C3orf52: variants seen among roughly 807,000 people sequenced by gnomAD.
The protein encoded by C3orf52 is chromosome 3 open reading frame 52.
A neutral mutation model predicts 24.8 loss-of-function variants in C3orf52; 22 were observed. The observed-to-expected ratio is 0.89, with a 90% CI of 0.63 to 1.27. The LOEUF is 1.27. Ranked by LOEUF, C3orf52 falls within the 50% of genes most tolerant of loss-of-function variation. The pLI is 0.00. For synonymous variants in C3orf52, 93 were observed against 100.2 expected (o/e 0.93, Z 0.43); for missense variants, 265 against 260.7 (o/e 1.02, Z -0.11).
intron 1 of C3orf52, among the ~76,000 whole-genome samples, chr3:112,090,252 A>G (rs62280197): frequency 0.02 from 2,591 of 130,354 alleles, 37 homozygotes; most frequent in Middle Eastern, 0.073. Context: ...TGTACAGTCT[A>G]TTGTTTGGCT....
downstream of C3orf52, among the ~76,000 whole-genome samples, chr3:112,135,713 A>G (rs936298309): frequency 9.2e-5 from 14 of 152,330 alleles, no homozygotes; most frequent in Admixed American, 5.9e-4. Flanking sequence ...CCTCCTTATT[A>G]TATACCTAAT....
At chr3:112,110,064 T>C (rs540315889) in intron 4 of C3orf52, among the ~76,000 whole-genome samples, 37 of 152,328 alleles carry the variant, frequency 2.4e-4, no homozygotes, top group Admixed American at 6.5e-4. Context: ...GCGTGGTAGC[T>C]CACGCCTGTA....
chr3:112,098,952 A>G (rs340154), intron 2 of C3orf52, among the ~76,000 whole-genome samples: 145,508 of 152,222 alleles, frequency 0.96, 69,821 homozygotes, highest in Non-Finnish European at 1. Context: ...ATGTTGAATG[A>G]TAAGAGGGGC....
rs1341241870 is a variant in C3orf52, at chr3:112,117,279, T to G, written c.*633T>G. 3.9e-5 allele frequency: 15 copies of G among 381,462 alleles called. No individual in the cohort carries two copies. Among genetic ancestry groups the G allele is most frequent in the East Asian group, 1.2e-4 (3 of 24,666 alleles). 23.6% of individuals were successfully genotyped at this position (381,462 alleles called of 1,614,324 possible). A position where few individuals can be genotyped will look rare whatever the true frequency, so the allele number is the denominator to read the frequency against. ...AGAAGACCTCAGCAGTGTGGTTCTG[T>G]GTCTACTTCCATGACCTGTACCTGA... On this transcript the variant is annotated 3_prime_UTR_variant, in exon 6 of 6. Coordinates refer to ENST00000264848, the MANE Select transcript of C3orf52 (RefSeq NM_024616.3).
downstream of C3orf52, chr3:112,133,216 G>C: frequency 7.3e-7 from 1 of 1,364,070 alleles, no homozygotes; most frequent in Admixed American, 1.7e-5. Flanking sequence ...AGAAAGGGCT[G>C]TGTGGCTCTG....
chr3:112,109,517 G>A lies in C3orf52; in HGVS notation c.397-26G>A, dbSNP rs148943408. The A allele has an allele frequency of 4.7e-4, 675 of 1,450,426 alleles. 3 individuals are homozygous for A. The African/African-American group carries it at 9.1e-3, about 19-fold the overall frequency. The allele number at this position is 1,450,426 out of a possible 1,614,324, so 89.8% of individuals were successfully genotyped here. A position where few individuals can be genotyped will look rare whatever the true frequency, so the allele number is the denominator to read the frequency against. Reference sequence around the variant, plus strand: ...AATATGATCTGTCGGTAATGTGTGTGGTTTAATTTGCTTCTGTTTGTTTAG... The same window carrying A: ...AATATGATCTGTCGGTAATGTGTGTAGTTTAATTTGCTTCTGTTTGTTTAG... On this transcript the variant is annotated intron_variant, in intron 3 of 5. Coordinates refer to ENST00000264848, the MANE Select transcript of C3orf52 (RefSeq NM_024616.3).
downstream of C3orf52, chr3:112,134,873 A>G (rs2074534699): frequency 6.5e-6 from 1 of 154,936 alleles, no homozygotes; most frequent in South Asian, 2.0e-4. Context: ...ACACTAAGTG[A>G]AAGAGACCAG....
At chr3:112,092,549 A>G (rs1016759358) in intron 1 of C3orf52, among the ~76,000 whole-genome samples, 1 of 152,332 alleles carries the variant, frequency 6.6e-6, no homozygotes, top group East Asian at 1.9e-4. Flanking sequence ...GTGGAGACAC[A>G]CAGCAGGGAT....
intron 4 of C3orf52, among the ~76,000 whole-genome samples, chr3:112,126,457 G>C (rs1411605863): frequency 6.6e-6 from 1 of 152,082 alleles, no homozygotes; most frequent in Non-Finnish European, 1.5e-5. Context: ...TATCACCAGA[G>C]ACTACTGCAC....
At chr3:112,129,378 A>G (rs1416080566), downstream of C3orf52, 4 of 152,188 alleles carry the variant, frequency 2.6e-5, no homozygotes, top group African/African-American at 9.7e-5. Flanking sequence ...ATGGGCAAAA[A>G]CGATCTGTAA....
chr3:112,124,244 C>T (rs1392844546), intron 4 of C3orf52, among the ~76,000 whole-genome samples: 1 of 152,180 alleles, frequency 6.6e-6, no homozygotes, highest in Non-Finnish European at 1.5e-5. Flanking sequence ...TTTATAGCAA[C>T]ACAAGTGGAC....
chr3:112,109,001 A>T (rs1192130816), intron 3 of C3orf52, among the ~76,000 whole-genome samples: 1 of 152,188 alleles, frequency 6.6e-6, no homozygotes, highest in Non-Finnish European at 1.5e-5. Flanking sequence ...ATTATTTTTT[A>T]TGATGCTTGC....
intron 4 of C3orf52, chr3:112,123,914 A>G: frequency 3.7e-6 from 3 of 816,716 alleles, no homozygotes; most frequent in Non-Finnish European, 5.7e-6. Flanking sequence ...TTTTTTCTAA[A>G]TGGCTGCTTC....
chr3:112,091,506 C>G (rs1488834561), intron 1 of C3orf52, among the ~76,000 whole-genome samples: 1 of 152,136 alleles, frequency 6.6e-6, no homozygotes, highest in Non-Finnish European at 1.5e-5. Flanking sequence ...AGGCCTCAGA[C>G]CAGAGGTCTG....
chr3:112,135,867 G>C (rs1438964905), downstream of C3orf52, among the ~76,000 whole-genome samples: 1 of 152,108 alleles, frequency 6.6e-6, no homozygotes, highest in Non-Finnish European at 1.5e-5. Flanking sequence ...TTGCAGCTCT[G>C]AGAGACAATA....
intron 1 of C3orf52, among the ~76,000 whole-genome samples, chr3:112,090,476 T>A (rs1467558711): frequency 7.4e-6 from 1 of 134,298 alleles, no homozygotes; most frequent in East Asian, 2.1e-4. Context: ...TTATTTTTAT[T>A]TTTTGTTGTG....
chr3:112,112,817 G>A (rs375214593), intron 4 of C3orf52, 147 bp from the exon 5 acceptor site: 2 of 753,864 alleles, frequency 2.7e-6, no homozygotes, highest in Non-Finnish European at 2.4e-6. Flanking sequence ...TTATAGGACA[G>A]TATGTTCTTC....
chr3:112,130,276 CA>C (rs5851820), downstream of C3orf52: 191,735 of 652,026 alleles, frequency 0.29, 31,388 homozygotes, highest in Non-Finnish European at 0.36. Flanking sequence ...ATCTCCTGTC[CA>C]AAGTTTTCAA....
downstream of C3orf52, chr3:112,130,565 C>G: frequency 6.7e-7 from 1 of 1,483,328 alleles, no homozygotes; most frequent in Non-Finnish European, 9.4e-7. Context: ...ACAGGCCTGT[C>G]ACTTCTTTTC....
Sources: gnomAD v4.1 joint callset for allele counts (sites outside exome capture counted in the v4.1 genomes callset) on GRCh38, gnomAD v4.1.1 for gene constraint, MANE v1.5 for transcripts, NCBI Gene and HGNC (gene_info 2026-07-23, HGNC 2026-07-21) for gene names.